Variants in CCDC73 observed in about 807,000 individuals in gnomAD.
CCDC73 encodes the protein coiled-coil domain-containing protein 73.
CCDC73 carries 95 observed loss-of-function variants against 116.5 expected under a neutral mutation model. The observed-to-expected ratio is 0.82, with a 90% CI of 0.69 to 0.97. The LOEUF is 0.97. Among genes scored for constraint, CCDC73 ranks in the 50% least tolerant of loss-of-function variants. The pLI is 0.00. For missense variants in CCDC73, 1,066 were observed against 1,206.8 expected (o/e 0.88, Z 1.73); for synonymous variants, 398 against 401.3 (o/e 0.99, Z 0.10).
intron 1 of CCDC73, among the ~76,000 whole-genome samples, chr11:32,790,964 C>G (rs1017292465): frequency 7.2e-5 from 11 of 152,230 alleles, no homozygotes; most frequent in South Asian, 6.2e-4. Flanking sequence ...AAACTAAACT[C>G]CAATTTTTTT....
At chr11:32,717,889 C>T (rs1344489961) in intron 3 of CCDC73, among the ~76,000 whole-genome samples, 187 bp downstream of exon 3, 5 of 152,000 alleles carry the variant, frequency 3.3e-5, no homozygotes, top group Non-Finnish European at 7.4e-5. Flanking sequence ...AAGTGCTGAG[C>T]GAAGAGGGAA....
At chr11:32,818,069 C>A in the CCDC73 span, among the ~76,000 whole-genome samples, 9 of 152,328 alleles carry the variant, frequency 5.9e-5, no homozygotes, top group East Asian at 1.5e-3. Context: ...GGCCTTTACT[C>A]CAGTTCCTCT....
chr11:32,731,167 G>C (rs1346600796), intron 2 of CCDC73, among the ~76,000 whole-genome samples: 1 of 152,202 alleles, frequency 6.6e-6, no homozygotes, highest in Non-Finnish European at 1.5e-5. Context: ...CACGGAGCTT[G>C]GCTCACTGCT....
chr11:32,773,992 A>G (rs1850511872), intron 1 of CCDC73, among the ~76,000 whole-genome samples: 2 of 152,174 alleles, frequency 1.3e-5, no homozygotes, highest in Admixed American at 1.3e-4. Context: ...AGGGGGTTTT[A>G]TCTGGCAGTA....
intron 2 of CCDC73, among the ~76,000 whole-genome samples, chr11:32,732,562 C>A (rs568380726): frequency 6.6e-6 from 1 of 152,110 alleles, no homozygotes. Context: ...AGACTAACAG[C>A]GGATCTCTTG....
At chr11:32,669,649 C>T (rs1971452) in intron 9 of CCDC73, among the ~76,000 whole-genome samples, 85,579 of 150,076 alleles carry the variant, frequency 0.57, 24,804 homozygotes, top group East Asian at 0.84. Context: ...CATCATTCTA[C>T]TCTCTATCTC....
At chr11:32,781,871 T>TA (rs1163632021) in intron 1 of CCDC73, among the ~76,000 whole-genome samples, 1 of 152,152 alleles carries the variant, frequency 6.6e-6, no homozygotes, top group Non-Finnish European at 1.5e-5. Context: ...CACAAACTGA[T>TA]ACTGGTCCGT....
At chr11:32,639,960 T>G (rs969963086) in intron 13 of CCDC73, among the ~76,000 whole-genome samples, 4 of 152,224 alleles carry the variant, frequency 2.6e-5, no homozygotes, top group African/African-American at 9.6e-5. Context: ...CACTGTTTAT[T>G]TTTTTGAATG....
Position 32,653,138 on chromosome 11 carries a change from T to G in CCDC73, c.924A>C (p.Leu308=). The G allele has an allele frequency of 6.2e-7, 1 of 1,607,378 alleles. No individual in the cohort carries two copies. The highest frequency in any genetic ancestry group is 1.1e-5 in the South Asian group (1 of 90,450). ...NTEMEAELKV[L]KENNQTLERD... ...TAGAACGAACCTGATTATTTTCTTTTAGCACCTTCAATTCTGCCTCCATTT... is the reference window on the plus strand; with the variant it reads ...TAGAACGAACCTGATTATTTTCTTTGAGCACCTTCAATTCTGCCTCCATTT... The change falls in exon 12 of 18, where the codon CTA becomes CTC. Residue 308 remains leucine, a synonymous_variant. Coordinates refer to ENST00000335185, the MANE Select transcript of CCDC73 (RefSeq NM_001008391.4).
the CCDC73 span, among the ~76,000 whole-genome samples, chr11:32,811,867 G>C: frequency 6.6e-6 from 1 of 152,096 alleles, no homozygotes; most frequent in Non-Finnish European, 1.5e-5. Context: ...CATGAGATTT[G>C]TAGGGGCAAC....
At chr11:32,635,011 T>C (rs1855665226) in intron 14 of CCDC73, among the ~76,000 whole-genome samples, 1 of 152,186 alleles carries the variant, frequency 6.6e-6, no homozygotes, top group Non-Finnish European at 1.5e-5. Context: ...TTGTAAGCAC[T>C]GTTTACATTA....
chr11:32,613,933 A>G lies in CCDC73; in HGVS notation c.2385T>C (p.Ala795=), dbSNP rs1038893313. Residue 795 remains alanine (A), a synonymous_variant, in exon 16 of 18, where the codon GCT becomes GCC. Transcript: ENST00000335185. ...TTTCTGTGCAAGTTTTCATGTGAAC[A>G]GCAGTTTTCACATCTTTGGCTTGTG... is the stretch of plus-strand genomic sequence containing the variant. ...HASQAKDVKT[A]VHMKTCTETE... The G allele has an allele frequency of 1.2e-6, 2 of 1,612,066 alleles. No individual in the cohort carries two copies. Among genetic ancestry groups the G allele is most frequent in the Admixed American group, 3.3e-5 (2 of 60,022 alleles).
At chr11:32,812,336 A>G in the CCDC73 span, among the ~76,000 whole-genome samples, 1 of 152,206 alleles carries the variant, frequency 6.6e-6, no homozygotes, top group African/African-American at 2.4e-5. Context: ...CCTGAGCAAA[A>G]TGGTGAAACC....
chr11:32,812,473 C>G, the CCDC73 span, among the ~76,000 whole-genome samples: 1 of 152,116 alleles, frequency 6.6e-6, no homozygotes, highest in Non-Finnish European at 1.5e-5. Context: ...CAAGGCTAGC[C>G]TGACCAACAT....
intron 6 of CCDC73, 93 bp from the exon 7 acceptor site, chr11:32,683,667 A>G: frequency 6.9e-6 from 5 of 728,958 alleles, no homozygotes; most frequent in Admixed American, 2.3e-5. Flanking sequence ...AAAATGTGGC[A>G]TGTATCTTCT....
chr11:32,662,019 CT>C (rs1590576725), intron 9 of CCDC73, among the ~76,000 whole-genome samples: 1 of 152,186 alleles, frequency 6.6e-6, no homozygotes, highest in East Asian at 1.9e-4. Context: ...TGAACTCATC[CT>C]TTTTTATGGC....
intron 9 of CCDC73, 65 bp from the exon 10 acceptor site, chr11:32,655,037 C>T: frequency 2.1e-6 from 2 of 951,602 alleles, no homozygotes; most frequent in Admixed American, 5.4e-5. Context: ...AGGTACTTTC[C>T]TGACAGTTTC....
At position 32,616,109 on chromosome 11, in the gene CCDC73, A is replaced by G. The variant is rs183977608; in HGVS notation, c.1206T>C (p.Asn402=). Reference sequence around the variant, plus strand: ...TTTCAGTTGACATTTCACTGTTTTCATTATTTACTTCTGGAACATTCTAGT... The same window carrying G: ...TTTCAGTTGACATTTCACTGTTTTCGTTATTTACTTCTGGAACATTCTAGT... The part of the protein sequence containing the change: ...KKFQNVPEVN[N]ENSEMSTEKS... Residue 402 remains asparagine, a synonymous_variant, in exon 15 of 18, where the codon AAT becomes AAC. Coordinates refer to ENST00000335185, the MANE Select transcript of CCDC73 (RefSeq NM_001008391.4). 80 of 1,578,776 alleles carry G rather than the reference A, an allele frequency of 5.1e-5. No homozygotes were observed. In the African/African-American group the frequency reaches 1.1e-3, roughly 21 times the overall value.
At chr11:32,780,548 G>A (rs1850574602) in intron 1 of CCDC73, among the ~76,000 whole-genome samples, 1 of 151,834 alleles carries the variant, frequency 6.6e-6, no homozygotes, top group Admixed American at 6.6e-5. Context: ...TTATGTTAAC[G>A]GATGTTTACA....
Sources: allele counts gnomAD v4.1 joint callset (sites outside exome capture counted in the v4.1 genomes callset), GRCh38; gene constraint gnomAD v4.1.1; transcripts MANE v1.5; gene names NCBI Gene and HGNC (gene_info 2026-07-23, HGNC 2026-07-21).